ARHGAP15: variants seen among roughly 807,000 people sequenced by gnomAD.
ARHGAP15 encodes the protein Rho GTPase activating protein 15.
Under a neutral mutation model 63.7 loss-of-function variants are expected in ARHGAP15, and 51 were observed. The ratio of observed to expected loss-of-function variants is 0.80; its 90% confidence interval spans 0.64 to 1.01. ARHGAP15 has a LOEUF of 1.01. Ranked by LOEUF, ARHGAP15 falls within the 50% of genes least tolerant of loss-of-function variation. The pLI is 0.00. For synonymous variants in ARHGAP15, 191 were observed against 193.8 expected, an observed-to-expected ratio of 0.99 and a Z score of 0.12; for missense variants, 560 against 564.6, an observed-to-expected ratio of 0.99 and a Z score of 0.08.
chr2:143,554,856 C>T (rs1039452926), intron 10 of ARHGAP15, among the ~76,000 whole-genome samples: 2 of 151,980 alleles, frequency 1.3e-5, no homozygotes, highest in Non-Finnish European at 2.9e-5. Context: ...TTGTGCATCA[C>T]GAAGAAAAAA....
chr2:143,299,674 T>C (rs1317858333), intron 6 of ARHGAP15, among the ~76,000 whole-genome samples: 2 of 152,012 alleles, frequency 1.3e-5, no homozygotes, highest in African/African-American at 4.8e-5. Context: ...AGAAAACTAC[T>C]TTCTTAAAAT....
At chr2:143,329,056 T>C (rs1438346026) in intron 6 of ARHGAP15, among the ~76,000 whole-genome samples, 1 of 152,238 alleles carries the variant, frequency 6.6e-6, no homozygotes, top group African/African-American at 2.4e-5. Context: ...CCTTGATTTC[T>C]CAATGATACA....
At position 143,482,801 on chromosome 2, in the gene ARHGAP15, C is replaced by A. The variant is rs141217717; in HGVS notation, c.704-4572C>A. Reference sequence around the variant, plus strand: ...ACATTTTTATTTTGTATTTATAGTGCTTTCAAGTTATTTGGTTAATAAAAA... The same window carrying A: ...ACATTTTTATTTTGTATTTATAGTGATTTCAAGTTATTTGGTTAATAAAAA... On this transcript the variant is annotated intron_variant, in intron 8 of 13. Coordinates refer to ENST00000295095, the MANE Select transcript of ARHGAP15 (RefSeq NM_018460.4). Among the ~76,000 whole-genome samples, 751 of 152,268 alleles carry A rather than the reference C, an allele frequency of 4.9e-3. 19 individuals are homozygous for A. Among genetic ancestry groups the A allele is most frequent in the Admixed American group, 0.041 (626 of 15,294 alleles).
intron 11 of ARHGAP15, among the ~76,000 whole-genome samples, chr2:143,585,499 C>A (rs1393129578): frequency 1.3e-5 from 2 of 151,768 alleles, no homozygotes; most frequent in Non-Finnish European, 2.9e-5. Flanking sequence ...GATGAATAGT[C>A]AGATAAAAAT....
At chr2:143,392,999 G>A (rs530554989) in intron 6 of ARHGAP15, among the ~76,000 whole-genome samples, 214 of 152,230 alleles carry the variant, frequency 1.4e-3, no homozygotes, top group African/African-American at 4.6e-3. Context: ...AGAGGGAGAG[G>A]AGAAGGATGA....
At chr2:143,134,168 A>C (rs957201386) in intron 1 of ARHGAP15, among the ~76,000 whole-genome samples, 31 of 124,138 alleles carry the variant, frequency 2.5e-4, no homozygotes, top group African/African-American at 1.0e-3. Context: ...TCTATCTATC[A>C]TCTATCTATC....
chr2:143,704,713 C>T (rs1684248427), intron 13 of ARHGAP15, among the ~76,000 whole-genome samples: 1 of 152,124 alleles, frequency 6.6e-6, no homozygotes, highest in Non-Finnish European at 1.5e-5. Flanking sequence ...TGAAGCCTGA[C>T]AGAGGTTCAA....
intron 13 of ARHGAP15, among the ~76,000 whole-genome samples, chr2:143,758,719 C>G (rs943367437): frequency 1.1e-4 from 16 of 152,178 alleles, no homozygotes; most frequent in African/African-American, 3.9e-4. Flanking sequence ...ATAGGCCCTC[C>G]CACATGTTAT....
chr2:143,285,141 T>A (rs1356778108), intron 6 of ARHGAP15, among the ~76,000 whole-genome samples: 1 of 152,152 alleles, frequency 6.6e-6, no homozygotes, highest in Non-Finnish European at 1.5e-5. Context: ...TATAAATTTA[T>A]CCAATGGTTA....
At chr2:143,186,250 C>T (rs1574064907) in intron 2 of ARHGAP15, among the ~76,000 whole-genome samples, 1 of 152,092 alleles carries the variant, frequency 6.6e-6, no homozygotes, top group Non-Finnish European at 1.5e-5. Flanking sequence ...TTTAAATAAT[C>T]TCGACTTATG....
chr2:143,288,089 G>A (rs1682200380), intron 6 of ARHGAP15, among the ~76,000 whole-genome samples: 1 of 152,194 alleles, frequency 6.6e-6, no homozygotes, highest in African/African-American at 2.4e-5. Context: ...TTGATGAGAA[G>A]CACGAAGAAG....
chr2:143,265,252 C>T lies in ARHGAP15; in HGVS notation c.474+14652C>T, dbSNP rs184279773. 1.7e-3 allele frequency among the ~76,000 whole-genome samples: 255 copies of T among 149,932 alleles called. 1 individual carries two copies. Among genetic ancestry groups the T allele is most frequent in the Non-Finnish European group, 2.9e-3 (197 of 67,584 alleles). On this transcript the variant is annotated intron_variant, in intron 6 of 13. Coordinates refer to ENST00000295095, the MANE Select transcript of ARHGAP15 (RefSeq NM_018460.4). ...TTTTTTTTTTAATAGAACGACCCAA[C>T]AGAATCCAGGGTTGTCACAGATCAT...
chr2:143,712,401 A>G (rs1684621490), intron 13 of ARHGAP15, among the ~76,000 whole-genome samples: 1 of 152,210 alleles, frequency 6.6e-6, no homozygotes, highest in African/African-American at 2.4e-5. Context: ...AATCCAGTCA[A>G]GGATAAGATA....
At chr2:143,228,512 C>T (rs1045723221) in intron 4 of ARHGAP15, 69 bp from the exon 5 acceptor site, 3 of 1,032,134 alleles carry the variant, frequency 2.9e-6, no homozygotes, top group African/African-American at 3.2e-5. Context: ...AAATGTTGCT[C>T]ATACTGTATC....
chr2:143,476,188 G>T (rs542722832), intron 8 of ARHGAP15, among the ~76,000 whole-genome samples: 3 of 152,192 alleles, frequency 2.0e-5, no homozygotes, highest in Admixed American at 1.3e-4. Flanking sequence ...GGGCTCTGGG[G>T]TACTTCTGAA....
At chr2:143,622,781 TAAAAAAAAAAAAAAA>T (rs34925907) in intron 11 of ARHGAP15, among the ~76,000 whole-genome samples, 2 of 109,042 alleles carry the variant, frequency 1.8e-5, no homozygotes, top group South Asian at 6.0e-4. Context: ...TTCATTTATT[TAAAAAAAAAAAAAAA>T]AAAAAAAAAA....
chr2:143,698,671 T>C (rs1279201777), intron 12 of ARHGAP15, among the ~76,000 whole-genome samples: 3 of 152,070 alleles, frequency 2.0e-5, no homozygotes, highest in Admixed American at 6.6e-5. Context: ...AGCTTAGAGA[T>C]TGAAGAGGCT....
At chr2:143,521,093 C>T (rs1413909760) in intron 10 of ARHGAP15, among the ~76,000 whole-genome samples, 1 of 152,108 alleles carries the variant, frequency 6.6e-6, no homozygotes, top group Non-Finnish European at 1.5e-5. Flanking sequence ...ATTTCATTGT[C>T]CCTGTGTTTA....
chr2:143,485,409 T>A (rs1692280494), intron 8 of ARHGAP15, among the ~76,000 whole-genome samples: 1 of 152,210 alleles, frequency 6.6e-6, no homozygotes, highest in Non-Finnish European at 1.5e-5. Context: ...TATAGATAGA[T>A]GGTAGATATG....
Sources: allele counts gnomAD v4.1 joint callset (sites outside exome capture counted in the v4.1 genomes callset), GRCh38; gene constraint gnomAD v4.1.1; transcripts MANE v1.5; gene names NCBI Gene and HGNC (gene_info 2026-07-23, HGNC 2026-07-21).